CHP1: variants seen among roughly 807,000 people sequenced by gnomAD.
CHP1 encodes the protein calcineurin B homologous protein 1.
A neutral mutation model predicts 27.4 loss-of-function variants in CHP1; 11 were observed. That is an observed-to-expected ratio of 0.40 (90% confidence interval 0.25 to 0.67). The LOEUF (loss-of-function observed/expected upper bound fraction) is 0.67, where lower values mean the gene tolerates loss of function less well. Ranked by LOEUF, CHP1 falls within the 30% of genes least tolerant of loss-of-function variation. CHP1 has a pLI of 0.38. For missense variants in CHP1, 169 were observed against 251.3 expected (o/e 0.67, Z 2.22); for synonymous variants, 89 against 87.4 (o/e 1.02, Z -0.10).
chr15:41,232,114 T>C (rs1027564412), intron 1 of CHP1, among the ~76,000 whole-genome samples: 2 of 152,156 alleles, frequency 1.3e-5, no homozygotes, highest in Admixed American at 1.3e-4. Context: ...ATCTCATATA[T>C]GTATTGATTT....
intron 5 of CHP1, among the ~76,000 whole-genome samples, chr15:41,272,664 G>C (rs541450689): frequency 6.6e-6 from 1 of 151,490 alleles, no homozygotes; most frequent in Non-Finnish European, 1.5e-5. Context: ...CAAGCAGTTC[G>C]CCCACTTCAG....
intron 4 of CHP1, chr15:41,264,219 C>G: frequency 2.3e-6 from 3 of 1,286,848 alleles, no homozygotes; most frequent in South Asian, 2.5e-5. Context: ...GAGCAACACT[C>G]CTCCCAAGCA....
intron 5 of CHP1, among the ~76,000 whole-genome samples, chr15:41,274,117 C>G (rs376567974): frequency 6.6e-6 from 1 of 151,904 alleles, no homozygotes; most frequent in African/African-American, 2.4e-5. Flanking sequence ...CCTGCCACCA[C>G]GCCTGGCTAA....
At chr15:41,271,121 G>T (rs2047487130) in intron 5 of CHP1, among the ~76,000 whole-genome samples, 1 of 151,994 alleles carries the variant, frequency 6.6e-6, no homozygotes, top group Non-Finnish European at 1.5e-5. Flanking sequence ...CGGGTGTGGT[G>T]GCGGGCACCT....
rs2047353523 is a variant in CHP1, at chr15:41,249,496, G to A, written c.140+5757G>A. ...TTTTTTTTTTTTTTTTTTTTGAGAT[G>A]GAGTCTCGCTCTGTCGTCCAGGCTG... On this transcript the variant is annotated intron_variant, in intron 2 of 6. Transcript: ENST00000334660. 2.8e-5 allele frequency among the ~76,000 whole-genome samples: 3 copies of A among 106,300 alleles called. No individual in the cohort carries two copies. In the Admixed American group the frequency reaches 3.9e-4, roughly 14 times the overall value. 69.7% of individuals were successfully genotyped at this position (106,300 alleles called of 152,430 possible).
intron 4 of CHP1, among the ~76,000 whole-genome samples, chr15:41,265,269 C>G (rs141462186): frequency 1.5e-5 from 2 of 135,710 alleles, no homozygotes; most frequent in African/African-American, 5.4e-5. Flanking sequence ...GAGGCTGAGG[C>G]GGGAGAATTG....
intron 2 of CHP1, among the ~76,000 whole-genome samples, chr15:41,252,774 C>T (rs893694068): frequency 6.6e-6 from 1 of 152,048 alleles, no homozygotes; most frequent in African/African-American, 2.4e-5. Flanking sequence ...AGAATGCCAT[C>T]GTACATGGCT....
At chr15:41,248,992 C>A (rs972084077) in intron 2 of CHP1, among the ~76,000 whole-genome samples, 3 of 152,120 alleles carry the variant, frequency 2.0e-5, no homozygotes, top group African/African-American at 4.8e-5. Flanking sequence ...TCTTCTACCC[C>A]CTCTAGCCTT....
chr15:41,249,830 ATT>A (rs553713758), intron 2 of CHP1, among the ~76,000 whole-genome samples: 33 of 140,590 alleles, frequency 2.3e-4, no homozygotes, highest in Admixed American at 2.9e-4. Context: ...CACTTCAACA[ATT>A]TTTTTTTTTT....
chr15:41,250,210 T>C (rs565505878), intron 2 of CHP1, among the ~76,000 whole-genome samples: 18 of 152,214 alleles, frequency 1.2e-4, no homozygotes, highest in Middle Eastern at 3.4e-3. Flanking sequence ...CCTGGGTGAA[T>C]TGGGAACATT....
At chr15:41,271,581 C>T (rs1595482183) in intron 5 of CHP1, among the ~76,000 whole-genome samples, 1 of 152,266 alleles carries the variant, frequency 6.6e-6, no homozygotes, top group East Asian at 1.9e-4. Flanking sequence ...GTTATTTAGT[C>T]TGTCCTTAGG....
chr15:41,236,832 CTTT>C (rs112481886), intron 1 of CHP1, among the ~76,000 whole-genome samples: 1 of 143,598 alleles, frequency 7.0e-6, no homozygotes. Flanking sequence ...TTAATACTAT[CTTT>C]TTTTTTTTTT....
intron 2 of CHP1, among the ~76,000 whole-genome samples, chr15:41,251,512 A>G (rs940562377): frequency 1.3e-5 from 2 of 152,206 alleles, no homozygotes; most frequent in South Asian, 4.1e-4. Context: ...GTGGCCAGTT[A>G]GGAACCGGGC....
At chr15:41,256,726 TGG>T (rs2047402364) in intron 2 of CHP1, 182 bp from the exon 3 acceptor site, 3 of 593,178 alleles carry the variant, frequency 5.1e-6, no homozygotes, top group Non-Finnish European at 6.1e-6. Context: ...ACTTCTGAGT[TGG>T]TGCAAGAAAC....
chr15:41,250,954 C>T (rs527815705), intron 2 of CHP1, among the ~76,000 whole-genome samples: 30 of 152,094 alleles, frequency 2.0e-4, no homozygotes, highest in Admixed American at 9.8e-4. Context: ...CCTGCCTCAG[C>T]CTCCAGAGTA....
intron 3 of CHP1, among the ~76,000 whole-genome samples, chr15:41,260,137 C>T (rs1311849536): frequency 6.6e-6 from 1 of 151,398 alleles, no homozygotes; most frequent in Non-Finnish European, 1.5e-5. Context: ...ACCTACATAC[C>T]TCAGCTATTC....
chr15:41,251,167 TA>T (rs1567006709), intron 2 of CHP1, among the ~76,000 whole-genome samples: 1 of 152,084 alleles, frequency 6.6e-6, no homozygotes, highest in Non-Finnish European at 1.5e-5. Context: ...TATTGAAGTA[TA>T]ACATACAGAA....
At chr15:41,249,413 C>G (rs1353538959) in intron 2 of CHP1, among the ~76,000 whole-genome samples, 3 of 150,790 alleles carry the variant, frequency 2.0e-5, no homozygotes, top group African/African-American at 7.4e-5. Context: ...CTCAGTCTCC[C>G]AAAGTGCTGG....
chr15:41,280,504 AATT>A lies in CHP1; in HGVS notation c.*1116_*1118del. ...CGGAAGTGCCTAATATCCCAGTCCA[AATT>A]TTTTTTTTTTTTTTTTTTTTTTTTT... On this transcript the variant is annotated 3_prime_UTR_variant, in exon 7 of 7. Transcript: ENST00000334660. 7.3e-6 allele frequency: 1 copy of A among 136,652 alleles called. No individual in the cohort carries two copies. Among genetic ancestry groups the A allele is most frequent in the Non-Finnish European group, 1.6e-5 (1 of 63,490 alleles). 8.5% of individuals were successfully genotyped at this position (136,652 alleles called of 1,614,324 possible).
Sources: allele counts gnomAD v4.1 joint callset (sites outside exome capture counted in the v4.1 genomes callset), GRCh38; gene constraint gnomAD v4.1.1; transcripts MANE v1.5; gene names NCBI Gene and HGNC (gene_info 2026-07-23, HGNC 2026-07-21).